The following SPEN variants were observed in gnomAD, a reference collection of about 807,000 sequenced individuals.
SPEN encodes spen family transcriptional repressor, also known as msx2-interacting protein.
SPEN carries 18 observed loss-of-function variants against 269.9 expected under a neutral mutation model. That is an observed-to-expected ratio of 0.07 (90% CI 0.05 to 0.10). The LOEUF (loss-of-function observed/expected upper bound fraction) is 0.10, where lower values mean the gene tolerates loss of function less well. Ranked by LOEUF, SPEN falls within the 10% of genes least tolerant of loss-of-function variation. The pLI is 1.00. For missense variants in SPEN, 3,822 were observed against 4,631.2 expected (o/e 0.83, Z 5.07); for synonymous variants, 1,726 against 1,765.7 (o/e 0.98, Z 0.56).
intron 3 of SPEN, among the ~76,000 whole-genome samples, chr1:15,877,013 G>A (rs1421078922): frequency 6.6e-6 from 1 of 152,148 alleles, no homozygotes; most frequent in African/African-American, 2.4e-5. Flanking sequence ...TTTTGTAGGT[G>A]TATAATACCA....
chr1:15,859,501 G>A (rs1301239189), intron 1 of SPEN, among the ~76,000 whole-genome samples: 2 of 151,458 alleles, frequency 1.3e-5, no homozygotes, highest in Non-Finnish European at 2.9e-5. Context: ...GGGACCACAG[G>A]TGCCCGCCAC....
At chr1:15,885,707 G>A (rs990121724) in intron 3 of SPEN, among the ~76,000 whole-genome samples, 9 of 152,304 alleles carry the variant, frequency 5.9e-5, no homozygotes, top group Middle Eastern at 3.4e-3. Flanking sequence ...AAAAGAATAA[G>A]CATTTGCTTG....
At chr1:15,922,063 A>T (rs971950576) in intron 9 of SPEN, among the ~76,000 whole-genome samples, 186 bp from the exon 10 acceptor site, 4 of 152,200 alleles carry the variant, frequency 2.6e-5, no homozygotes, top group African/African-American at 9.6e-5. Context: ...ATCACGGTTT[A>T]TACAGAATTT....
chr1:15,938,330 A>G (rs1006937058), intron 13 of SPEN, among the ~76,000 whole-genome samples: 1 of 152,014 alleles, frequency 6.6e-6, no homozygotes, highest in Non-Finnish European at 1.5e-5. Context: ...TGGCCAGGCC[A>G]GCCTTGAACT....
In SPEN at chr1:15,938,761, G is replaced by A. The variant is rs768794824; in HGVS notation, c.10748G>A (p.Arg3583His). Residue 3583 changes from arginine (R) to histidine (H), a missense_variant, in exon 14 of 15, where the codon CGT (arginine) becomes CAT (histidine). Around this residue, in one of 16 missense-constraint regions of SPEN, gnomAD observed 103 missense variants for 215.8 expected, o/e 0.48. Coordinates refer to ENST00000375759, the MANE Select transcript of SPEN (RefSeq NM_015001.3). Reference protein sequence around the residue: ...YCLLLALPCGRDQEDVVSQTE... With the variant: ...YCLLLALPCGHDQEDVVSQTE... ...CTGCTGCTGGCTCTGCCCTGTGGCC[G>A]TGACCAAGAGGATGTTGTGAGCCAG... The A allele has an allele frequency of 5.0e-6, 8 of 1,613,858 alleles. No individual in the cohort carries two copies. Among genetic ancestry groups the A allele is most frequent in the Middle Eastern group, 1.6e-4 (1 of 6,062 alleles).
intron 11 of SPEN, among the ~76,000 whole-genome samples, chr1:15,936,572 C>T (rs2071277258): frequency 6.6e-6 from 1 of 151,138 alleles, no homozygotes; most frequent in Non-Finnish European, 1.5e-5. Flanking sequence ...TTGCTTGAGC[C>T]CTGGAGGCAG....
At chr1:15,915,631 C>T (rs561165415) in intron 5 of SPEN, among the ~76,000 whole-genome samples, 1 of 152,332 alleles carries the variant, frequency 6.6e-6, no homozygotes, top group Admixed American at 6.5e-5. Flanking sequence ...ACTTCCCATT[C>T]TCATGCTATT....
intron 3 of SPEN, among the ~76,000 whole-genome samples, chr1:15,895,642 C>CTGTAAT (rs764744138): frequency 3.3e-5 from 5 of 150,240 alleles, no homozygotes; most frequent in Non-Finnish European, 7.4e-5. Context: ...TTAACTACTG[C>CTGTAAT]TGTAATTGGA....
chr1:15,859,761 T>C (rs1319689437), intron 1 of SPEN, among the ~76,000 whole-genome samples: 1 of 152,132 alleles, frequency 6.6e-6, no homozygotes, highest in Non-Finnish European at 1.5e-5. Context: ...GTTTTAAAAA[T>C]GATTTTCGAG....
At position 15,863,236 on chromosome 1, in the gene SPEN, C is replaced by T. The variant is rs868861371; in HGVS notation, c.84-9580C>T. ...TGGACTCCAGCCTGGGTGACAGTGA[C>T]GCTGTCTCAGAAAAACAAAACAAAA... On this transcript the variant is annotated intron_variant, in intron 1 of 14. Coordinates refer to ENST00000375759, the MANE Select transcript of SPEN (RefSeq NM_015001.3). Among the ~76,000 whole-genome samples the T allele has an allele frequency of 1.1e-4, 17 of 151,910 alleles. 1 individual carries two copies. In the South Asian group the frequency reaches 1.9e-3, roughly 17 times the overall value.
rs111313852 is a variant in SPEN, at chr1:15,885,810, C to T, written c.881+9132C>T. Among the ~76,000 whole-genome samples the T allele has an allele frequency of 7.2e-3, 1,097 of 152,262 alleles. 24 individuals are homozygous for T. The highest frequency in any genetic ancestry group is 0.025 in the African/African-American group (1,040 of 41,544). On this transcript the variant is annotated intron_variant, in intron 3 of 14. Transcript: ENST00000375759. The stretch of plus-strand genomic sequence containing the variant: ...GGACAAGAAATACACCAAAAAAACC[C>T]TTTTTTTCCCATCAGTGGCAGACAA...
intron 3 of SPEN, among the ~76,000 whole-genome samples, chr1:15,895,828 C>T (rs924772220): frequency 3.3e-5 from 5 of 151,696 alleles, no homozygotes; most frequent in African/African-American, 7.3e-5. Context: ...TACAGGCATG[C>T]GCCACTGTGC....
chr1:15,856,211 C>T (rs1163679543), intron 1 of SPEN, among the ~76,000 whole-genome samples: 3 of 151,478 alleles, frequency 2.0e-5, no homozygotes, highest in Admixed American at 6.6e-5. Context: ...AGCATGGTCT[C>T]GATCTCCTGA....
In SPEN at chr1:15,920,956, G is replaced by A. The variant is rs2148734066; in HGVS notation, c.1722G>A (p.Gly574=). The A allele has an allele frequency of 6.2e-7, 1 of 1,610,980 alleles. No homozygotes were observed. The change falls in exon 9 of 15, where the codon GGG becomes GGA. Residue 574 remains glycine, a synonymous_variant. Transcript: ENST00000375759. ...YAQAAVKETK[G]RKIGGNKIKV... ...AAGCAGCTGTAAAAGAGACCAAAGG[G>A]AGGAAAATCGGTGGGAATAAAATTA... is the stretch of plus-strand genomic sequence containing the variant.
Position 15,933,226 on chromosome 1 carries a change from A to T in SPEN, c.6986A>T (p.Asp2329Val), listed in dbSNP as rs1570066726. Residue 2329 changes from aspartate (D) to valine (V), a missense_variant, in exon 11 of 15, where the codon GAC becomes GTC. Around this residue, in one of 16 missense-constraint regions of SPEN, gnomAD observed 727 missense variants for 737.9 expected, o/e 0.99. Transcript: ENST00000375759. The surrounding 1 kb of genome is among the most constrained non-coding windows in gnomAD (Gnocchi z 5.7). ...KEVEVTLVRK[D>V]KGRQKTTRSR... Reference sequence around the variant, plus strand: ...GTGGAAGTCACTCTTGTTCGGAAAGACAAAGGGCGCCAGAAAACAACCCGA... The same window carrying T: ...GTGGAAGTCACTCTTGTTCGGAAAGTCAAAGGGCGCCAGAAAACAACCCGA... 1 of 1,614,162 alleles carries T rather than the reference A, an allele frequency of 6.2e-7. No homozygotes were observed. The highest frequency in any genetic ancestry group is 1.1e-5 in the South Asian group (1 of 91,086).
rs2071290925 is a variant in SPEN at position 15,937,742 on chromosome 1, C to T, written c.10510-70C>T. 6.2e-6 allele frequency: 10 copies of T among 1,609,460 alleles called. No homozygotes were observed. Among genetic ancestry groups the T allele is most frequent in the Non-Finnish European group, 7.6e-6 (9 of 1,177,836 alleles). Reference sequence around the variant, plus strand: ...AGTTAACAGACCCACAAGCTACAGCCTCTGGCTGTGTCCAGCATGGCTCAG... The same window carrying T: ...AGTTAACAGACCCACAAGCTACAGCTTCTGGCTGTGTCCAGCATGGCTCAG... On this transcript the variant is annotated intron_variant, in intron 12 of 14. Transcript: ENST00000375759. The surrounding 1 kb of genome is among the most constrained non-coding windows in gnomAD (Gnocchi z 5.7).
intron 10 of SPEN, among the ~76,000 whole-genome samples, chr1:15,924,171 A>G (rs848203): frequency 0.15 from 23,541 of 152,156 alleles, 2,098 homozygotes; most frequent in Admixed American, 0.26. Flanking sequence ...GCGTAAAATT[A>G]TGTGGCCACA....
At chr1:15,856,877 T>C (rs566082402) in intron 1 of SPEN, among the ~76,000 whole-genome samples, 2 of 152,154 alleles carry the variant, frequency 1.3e-5, no homozygotes, top group South Asian at 2.1e-4. Flanking sequence ...CTAGATACTT[T>C]TATTTGGTGT....
chr1:15,887,623 C>T (rs1301917411), intron 3 of SPEN, among the ~76,000 whole-genome samples: 1 of 150,398 alleles, frequency 6.6e-6, no homozygotes, highest in African/African-American at 2.4e-5. Flanking sequence ...TGCTAAAAAT[C>T]AGAAAGTCAA....
Sources: gnomAD v4.1 joint callset for allele counts (sites outside exome capture counted in the v4.1 genomes callset) on GRCh38, gnomAD v4.1.1 for gene constraint, gnomAD v4.1.1 regional missense constraint, Gnocchi (gnomAD v3.1) non-coding constraint, MANE v1.5 for transcripts, NCBI Gene and HGNC (gene_info 2026-07-23, HGNC 2026-07-21) for gene names.